Variants in ZNF148 observed in about 807,000 individuals in gnomAD.
ZNF148 encodes zinc finger protein 148.
In ZNF148, 7 loss-of-function variants were observed where a neutral mutation model predicts 67.7. That is an observed-to-expected ratio of 0.10 (90% CI 0.06 to 0.19). The LOEUF (loss-of-function observed/expected upper bound fraction) is 0.19, where lower values mean the gene tolerates loss of function less well. ZNF148 is among the 10% of genes least tolerant of loss of function. The pLI is 1.00. For synonymous variants in ZNF148, 333 were observed against 330.7 expected, an observed-to-expected ratio of 1.01 and a Z score of -0.08; for missense variants, 583 against 947.1, an observed-to-expected ratio of 0.62 and a Z score of 5.05.
At position 125,313,560 on chromosome 3, in the gene ZNF148, A is replaced by C; in HGVS notation, c.81T>G (p.Val27=). 1 of 1,614,176 alleles carries C rather than the reference A, an allele frequency of 6.2e-7. No individual in the cohort carries two copies. Among genetic ancestry groups the C allele is most frequent in the Non-Finnish European group, 8.5e-7 (1 of 1,180,024 alleles). ...IDEMQSSRTM[V]VMGGVSGQST... The stretch of plus-strand genomic sequence containing the variant: ...ACTGGCCAGACACTCCACCCATTAC[A>C]ACCATTGTCCTGGAAGACTGCATTT... The change falls in exon 4 of 9, where the codon GTT becomes GTG. Residue 27 remains valine (V), a synonymous_variant. Coordinates refer to ENST00000360647, the MANE Select transcript of ZNF148 (RefSeq NM_021964.3).
intron 1 of ZNF148, among the ~76,000 whole-genome samples, chr3:125,370,580 A>G (rs1942847868): frequency 6.6e-6 from 1 of 152,264 alleles, no homozygotes; most frequent in Non-Finnish European, 1.5e-5. Context: ...ACATGTGAAT[A>G]CTGTTACTAC....
intron 2 of ZNF148, among the ~76,000 whole-genome samples, chr3:125,330,274 G>C (rs1048881756): frequency 1.4e-4 from 22 of 151,972 alleles, no homozygotes; most frequent in African/African-American, 5.3e-4. Context: ...AGACCCGCCT[G>C]GGCAACATGG....
chr3:125,270,050 C>T (rs1937650024), intron 7 of ZNF148, among the ~76,000 whole-genome samples: 1 of 152,112 alleles, frequency 6.6e-6, no homozygotes, highest in Non-Finnish European at 1.5e-5. Context: ...AAGCCCAAAT[C>T]TCAGAATCAT....
chr3:125,328,425 A>G (rs1941123656), intron 2 of ZNF148, among the ~76,000 whole-genome samples: 2 of 152,118 alleles, frequency 1.3e-5, no homozygotes, highest in African/African-American at 4.8e-5. Flanking sequence ...TAAATATTTG[A>G]AGTGATGAAA....
chr3:125,260,880 C>T (rs554833259), intron 7 of ZNF148, among the ~76,000 whole-genome samples: 2 of 152,176 alleles, frequency 1.3e-5, no homozygotes, highest in East Asian at 3.9e-4. Flanking sequence ...AGCTTTTTTG[C>T]AAAATAAAAT....
chr3:125,337,718 T>C (rs79098729), intron 1 of ZNF148, among the ~76,000 whole-genome samples: 11,249 of 152,118 alleles, frequency 0.074, 694 homozygotes, highest in East Asian at 0.18. Flanking sequence ...TCTGAGCAAG[T>C]ATTATTGTTT....
chr3:125,271,389 C>T (rs1446226267), intron 7 of ZNF148, among the ~76,000 whole-genome samples: 6 of 152,178 alleles, frequency 3.9e-5, no homozygotes, highest in African/African-American at 1.4e-4. Flanking sequence ...TTCAGCGAAG[C>T]GTAGAAGGCT....
At chr3:125,304,101 C>G (rs550397961) in intron 4 of ZNF148, among the ~76,000 whole-genome samples, 43 of 152,202 alleles carry the variant, frequency 2.8e-4, no homozygotes, top group South Asian at 6.2e-4. Flanking sequence ...CTCTTATCCT[C>G]CAGGAACCAG....
At chr3:125,279,379 T>A in intron 5 of ZNF148, 132 bp from the exon 6 acceptor site, 1 of 749,434 alleles carries the variant, frequency 1.3e-6, no homozygotes, top group Non-Finnish European at 2.0e-6. Flanking sequence ...TTAAATGATC[T>A]TGAAAAGACT....
chr3:125,277,868 C>A, intron 6 of ZNF148, 59 bp from the exon 7 acceptor site: 1 of 1,424,444 alleles, frequency 7.0e-7, no homozygotes, highest in Non-Finnish European at 9.5e-7. Flanking sequence ...TTTTTAGTTA[C>A]TGTTTCTGAG....
intron 7 of ZNF148, among the ~76,000 whole-genome samples, chr3:125,271,870 T>C (rs954717738): frequency 1.3e-5 from 2 of 152,176 alleles, no homozygotes; most frequent in African/African-American, 4.8e-5. Context: ...CTTGGCCTCC[T>C]GTCCAGCATC....
At chr3:125,234,608 T>C (rs1936000710) in intron 7 of ZNF148, among the ~76,000 whole-genome samples, 1 of 152,204 alleles carries the variant, frequency 6.6e-6, no homozygotes, top group Non-Finnish European at 1.5e-5. Context: ...TATAGCAATA[T>C]GAACAGACTA....
chr3:125,267,337 C>G (rs1267296195), intron 7 of ZNF148, among the ~76,000 whole-genome samples: 1 of 151,654 alleles, frequency 6.6e-6, no homozygotes, highest in South Asian at 2.1e-4. Context: ...TACTAGCAAA[C>G]TGAATCTAGG....
rs374261833 is a variant in ZNF148, at chr3:125,238,559, C to T, written c.668-4230G>A. On this transcript the variant is annotated intron_variant, in intron 7 of 8. Transcript: ENST00000360647. Reference sequence around the variant, plus strand: ...AGGAGAATCACTTGAACCTGGGAAGCAGAGGTTGCAGTGAGCCGAGATCAC... The same window carrying T: ...AGGAGAATCACTTGAACCTGGGAAGTAGAGGTTGCAGTGAGCCGAGATCAC... 3.2e-4 allele frequency among the ~76,000 whole-genome samples: 48 copies of T among 149,512 alleles called. No individual in the cohort carries two copies. The East Asian group carries it at 8.7e-3, about 27-fold the overall frequency.
chr3:125,248,610 C>T (rs1486153428), intron 7 of ZNF148, among the ~76,000 whole-genome samples: 1 of 152,140 alleles, frequency 6.6e-6, no homozygotes, highest in Non-Finnish European at 1.5e-5. Context: ...GCTTTTTGCC[C>T]ACCCATACGA....
intron 5 of ZNF148, among the ~76,000 whole-genome samples, chr3:125,285,977 A>G (rs531786307): frequency 6.6e-6 from 1 of 152,306 alleles, no homozygotes; most frequent in East Asian, 1.9e-4. Context: ...CCTAGAACAT[A>G]TCACCAAATA....
At chr3:125,328,998 G>GATATATATATATAT (rs10565589) in intron 2 of ZNF148, among the ~76,000 whole-genome samples, 7 of 147,426 alleles carry the variant, frequency 4.7e-5, no homozygotes, top group African/African-American at 1.5e-4. Context: ...TTATACTACT[G>GATATATATATATAT]ATATATATAT....
chr3:125,295,883 A>T (rs1226782563), intron 4 of ZNF148, among the ~76,000 whole-genome samples: 1 of 152,176 alleles, frequency 6.6e-6, no homozygotes, highest in Non-Finnish European at 1.5e-5. Flanking sequence ...ATTACATGAA[A>T]AGCACCTTGA....
chr3:125,304,680 T>C (rs1198941728), intron 4 of ZNF148, among the ~76,000 whole-genome samples: 2 of 152,112 alleles, frequency 1.3e-5, no homozygotes. Flanking sequence ...ATATGGAAAT[T>C]ATAGAAAGGA....
Sources: gnomAD v4.1 joint callset for allele counts (sites outside exome capture counted in the v4.1 genomes callset) on GRCh38, gnomAD v4.1.1 for gene constraint, MANE v1.5 for transcripts, NCBI Gene and HGNC (gene_info 2026-07-23, HGNC 2026-07-21) for gene names.